The following PPARGC1A variants were observed in gnomAD, a reference collection of about 807,000 sequenced individuals.
The protein encoded by PPARGC1A is peroxisome proliferator-activated receptor gamma coactivator 1-alpha.
Under a neutral mutation model 88.7 loss-of-function variants are expected in PPARGC1A, and 25 were observed. The observed-to-expected ratio is 0.28, with a 90% confidence interval of 0.21 to 0.39. The LOEUF (loss-of-function observed/expected upper bound fraction) is 0.39. Ranked by LOEUF, PPARGC1A falls within the 10% of genes least tolerant of loss-of-function variation. The probability of loss-of-function intolerance (pLI) is 1.00; values close to 1 mark genes in which losing one functional copy is unlikely to be tolerated. For missense variants in PPARGC1A, 880 were observed against 968.7 expected, an observed-to-expected ratio of 0.91 and a Z score of 1.22; for synonymous variants, 363 against 355.6, an observed-to-expected ratio of 1.02 and a Z score of -0.24.
chr4:24,017,445 G>C, the PPARGC1A span, among the ~76,000 whole-genome samples: 1 of 152,142 alleles, frequency 6.6e-6, no homozygotes, highest in South Asian at 2.1e-4. Flanking sequence ...GGGGATTTGA[G>C]GGTAATGGAG....
the PPARGC1A span, among the ~76,000 whole-genome samples, chr4:24,302,706 G>A: frequency 4.1e-3 from 620 of 152,326 alleles, 6 homozygotes; most frequent in African/African-American, 0.014. Flanking sequence ...GCCATGAAAC[G>A]TCCATTTGTG....
At chr4:23,961,635 A>G in the PPARGC1A span, among the ~76,000 whole-genome samples, 1 of 152,148 alleles carries the variant, frequency 6.6e-6, no homozygotes, top group African/African-American at 2.4e-5. Context: ...ATGGTGCCAG[A>G]ACTGGCCCTC....
At chr4:23,915,362 A>G in the PPARGC1A span, among the ~76,000 whole-genome samples, 1 of 152,214 alleles carries the variant, frequency 6.6e-6, no homozygotes, top group Non-Finnish European at 1.5e-5. Context: ...TTGGCAGTTT[A>G]GACAAAAATT....
the PPARGC1A span, among the ~76,000 whole-genome samples, chr4:24,034,450 A>G: frequency 6.6e-6 from 1 of 152,214 alleles, no homozygotes; most frequent in African/African-American, 2.4e-5. Context: ...TTACTGTTAA[A>G]CTTTTCGATG....
the PPARGC1A span, among the ~76,000 whole-genome samples, chr4:24,123,056 G>A: frequency 6.6e-6 from 1 of 152,242 alleles, no homozygotes; most frequent in East Asian, 1.9e-4. Flanking sequence ...CGCACTGGTG[G>A]TCATGCCCAT....
the PPARGC1A span, among the ~76,000 whole-genome samples, chr4:23,958,786 G>A: frequency 3.2e-4 from 48 of 151,956 alleles, no homozygotes; most frequent in African/African-American, 1.2e-3. Context: ...ACTCAGACAT[G>A]GAATAAAAAT....
At chr4:24,270,329 CTCTCTG>C in the PPARGC1A span, among the ~76,000 whole-genome samples, 2 of 130,780 alleles carry the variant, frequency 1.5e-5, no homozygotes, top group African/African-American at 5.2e-5. Flanking sequence ...CTCTCTCTCT[CTCTCTG>C]TGTGTGTGTG....
At chr4:23,834,706 A>G (rs1374006007) in intron 2 of PPARGC1A, among the ~76,000 whole-genome samples, 1 of 152,276 alleles carries the variant, frequency 6.6e-6, no homozygotes, top group South Asian at 2.1e-4. Context: ...AGGACCCTGT[A>G]TATGTAATTC....
At chr4:24,234,735 T>A in the PPARGC1A span, among the ~76,000 whole-genome samples, 1 of 152,202 alleles carries the variant, frequency 6.6e-6, no homozygotes, top group Non-Finnish European at 1.5e-5. Flanking sequence ...CCTGGGAAAG[T>A]AATGTATCCT....
At chr4:24,106,869 C>T in the PPARGC1A span, among the ~76,000 whole-genome samples, 146 of 152,326 alleles carry the variant, frequency 9.6e-4, no homozygotes, top group African/African-American at 3.4e-3. Flanking sequence ...ATCAGCAGAG[C>T]CTGGCCTAGC....
the PPARGC1A span, among the ~76,000 whole-genome samples, chr4:24,009,150 A>AAAAAAAAAAAAGAGAG: frequency 0.018 from 1,430 of 79,748 alleles, 14 homozygotes; most frequent in Non-Finnish European, 0.022. Context: ...AAAAAAAAAA[A>AAAAAAAAAAAAGAGAG]AGAGAGAGAA....
chr4:24,188,156 A>T, the PPARGC1A span, among the ~76,000 whole-genome samples: 1 of 151,736 alleles, frequency 6.6e-6, no homozygotes, highest in African/African-American at 2.4e-5. Flanking sequence ...GAACTGAGGA[A>T]GAGCAACACA....
intron 2 of PPARGC1A, among the ~76,000 whole-genome samples, chr4:23,874,451 T>C (rs1036979768): frequency 6.6e-6 from 1 of 152,188 alleles, no homozygotes; most frequent in African/African-American, 2.4e-5. Flanking sequence ...ATGTGACTCT[T>C]GGGAACACTG....
At chr4:24,436,649 C>T in the PPARGC1A span, among the ~76,000 whole-genome samples, 1 of 139,224 alleles carries the variant, frequency 7.2e-6, no homozygotes, top group East Asian at 2.1e-4. Context: ...CATCGATTGG[C>T]CACCCCAGAG....
In PPARGC1A at chr4:23,814,117, G is replaced by A; in HGVS notation, c.1366C>T (p.Gln456Ter). 6.2e-7 allele frequency: 1 copy of A among 1,614,052 alleles called. No individual in the cohort carries two copies. Among genetic ancestry groups the A allele is most frequent in the South Asian group, 1.1e-5 (1 of 91,078 alleles). ...PCSTRKQLQDQEIRAELNKHF... is the reference protein window; with the variant it reads ...PCSTRKQLQD ...TTGTTCAGCTCGGCTCGGATTTCCT[G>A]GTCTTGGAGCTGTTTTCTTGTGCTG... Residue 456 changes from glutamine to a stop codon, truncating the protein, a stop_gained, in exon 8 of 13, where the codon CAG becomes TAG. Transcript: ENST00000264867. LOFTEE classifies it high-confidence loss of function.
chr4:24,425,440 T>G, the PPARGC1A span, among the ~76,000 whole-genome samples: 8 of 152,316 alleles, frequency 5.3e-5, no homozygotes, highest in Admixed American at 5.2e-4. Flanking sequence ...CATTAGACAG[T>G]TACATAAATA....
the PPARGC1A span, among the ~76,000 whole-genome samples, chr4:24,348,691 T>G: frequency 6.6e-6 from 1 of 152,196 alleles, no homozygotes; most frequent in Non-Finnish European, 1.5e-5. Context: ...TCTATTTCCA[T>G]GAATATTTCT....
the PPARGC1A span, among the ~76,000 whole-genome samples, chr4:24,200,004 A>G: frequency 6.6e-6 from 1 of 152,248 alleles, no homozygotes; most frequent in Admixed American, 6.5e-5. Context: ...CTATTAACAG[A>G]CAATAAATAA....
chr4:24,070,482 CA>C, the PPARGC1A span, among the ~76,000 whole-genome samples: 1 of 152,124 alleles, frequency 6.6e-6, no homozygotes, highest in Non-Finnish European at 1.5e-5. Context: ...GTGAAAAGAT[CA>C]CACACAGAAC....
Sources: gnomAD v4.1 joint callset for allele counts (sites outside exome capture counted in the v4.1 genomes callset) on GRCh38, gnomAD v4.1.1 for gene constraint, MANE v1.5 for transcripts, NCBI Gene and HGNC (gene_info 2026-07-23, HGNC 2026-07-21) for gene names.